Variants in SEC23A observed in about 807,000 individuals in gnomAD.
The protein encoded by SEC23A is SEC23 homolog A, COPII component.
Under a neutral mutation model 103.7 loss-of-function variants are expected in SEC23A, and 56 were observed. The ratio of observed to expected loss-of-function variants is 0.54; its 90% CI spans 0.44 to 0.67. The LOEUF is 0.67. SEC23A is among the 30% of genes least tolerant of loss of function. The pLI is 0.00. For synonymous variants in SEC23A, 281 were observed against 293.0 expected (o/e 0.96, Z 0.42); for missense variants, 784 against 936.4 (o/e 0.84, Z 2.12).
chr14:39,090,571 C>A (rs1887624875), intron 5 of SEC23A, among the ~76,000 whole-genome samples: 2 of 152,268 alleles, frequency 1.3e-5, no homozygotes, highest in South Asian at 4.1e-4. Context: ...AAAATAACTT[C>A]CCTCACCAAA....
At chr14:39,059,694 G>T (rs1886401073) in intron 13 of SEC23A, among the ~76,000 whole-genome samples, 1 of 152,002 alleles carries the variant, frequency 6.6e-6, no homozygotes, top group Non-Finnish European at 1.5e-5. Flanking sequence ...GATTAAGTTG[G>T]AGATATTATG....
chr14:39,042,233 T>C (rs1406833893), intron 17 of SEC23A, among the ~76,000 whole-genome samples: 3 of 152,252 alleles, frequency 2.0e-5, no homozygotes, highest in African/African-American at 4.8e-5. Flanking sequence ...AGGAAGCACT[T>C]AACAATTGGC....
chr14:39,042,757 C>A (rs1333949560), intron 17 of SEC23A, 29 bp downstream of exon 17: 1 of 1,381,386 alleles, frequency 7.2e-7, no homozygotes, highest in Non-Finnish European at 1.0e-6. Flanking sequence ...ACTTTACATG[C>A]ATAGCTTTAA....
chr14:39,085,685 T>TAC (rs202142857), intron 7 of SEC23A, 77 bp downstream of exon 7: 21,636 of 947,900 alleles, frequency 0.023, 743 homozygotes, highest in Admixed American at 0.075. Flanking sequence ...CTTATAATTA[T>TAC]ATATACACAC....
chr14:39,043,709 A>C (rs148943341), intron 16 of SEC23A, among the ~76,000 whole-genome samples: 3 of 152,308 alleles, frequency 2.0e-5, no homozygotes, highest in East Asian at 3.9e-4. Context: ...ACTGAGAAAG[A>C]ACGGTGAGTG....
intron 9 of SEC23A, 92 bp downstream of exon 9, chr14:39,074,323 A>T: frequency 1.2e-6 from 1 of 836,232 alleles, no homozygotes; most frequent in Non-Finnish European, 2.1e-6. Context: ...TGGGAAGATG[A>T]CACTTTTCCC....
chr14:39,074,265 C>A, intron 9 of SEC23A, 150 bp downstream of exon 9: 1 of 641,816 alleles, frequency 1.6e-6, no homozygotes, highest in Non-Finnish European at 2.8e-6. Context: ...GTGTGTTTTA[C>A]TGAAAGGAAT....
chr14:39,076,085 A>G lies in SEC23A; in HGVS notation c.837T>C (p.Phe279=), dbSNP rs146187520. The part of the protein sequence containing the change: ...SIAVGLLECT[F]PNTGARIMMF... ...TCATGATACGAGCACCAGTGTTGGG[A>G]AAAGTACACTATTAAAAAAAAAGTC... is the stretch of plus-strand genomic sequence containing the variant. Residue 279 remains phenylalanine (F), a synonymous_variant, in exon 8 of 20, where the codon TTT becomes TTC. Transcript: ENST00000307712. The G allele has an allele frequency of 7.0e-5, 112 of 1,611,210 alleles. No individual in the cohort carries two copies. The African/African-American group carries it at 1.4e-3, about 20-fold the overall frequency.
intron 7 of SEC23A, among the ~76,000 whole-genome samples, chr14:39,078,431 C>T (rs1887114045): frequency 6.6e-6 from 1 of 152,090 alleles, no homozygotes; most frequent in Non-Finnish European, 1.5e-5. Context: ...GCCCAAAAAG[C>T]TCCATATTTG....
At chr14:39,046,294 C>T (rs530345000) in intron 15 of SEC23A, among the ~76,000 whole-genome samples, 1 of 152,188 alleles carries the variant, frequency 6.6e-6, no homozygotes, top group Admixed American at 6.5e-5. Flanking sequence ...CATGGTGAAA[C>T]CCCGTCTCTA....
intron 7 of SEC23A, 105 bp downstream of exon 7, chr14:39,085,657 A>C: frequency 1.4e-6 from 2 of 1,408,942 alleles, no homozygotes; most frequent in South Asian, 1.2e-5. Context: ...GAAAAAAAGC[A>C]CTTTGGTTCT....
chr14:39,043,973 A>G (rs1260886824), intron 16 of SEC23A, among the ~76,000 whole-genome samples: 1 of 152,150 alleles, frequency 6.6e-6, no homozygotes, highest in Non-Finnish European at 1.5e-5. Flanking sequence ...TCTCACCAGG[A>G]GCAGAGAAAT....
intron 15 of SEC23A, among the ~76,000 whole-genome samples, chr14:39,045,799 C>A (rs1885811471): frequency 6.6e-6 from 1 of 152,202 alleles, no homozygotes; most frequent in African/African-American, 2.4e-5. Context: ...CTGACCATAT[C>A]TTTGGGCTTT....
intron 13 of SEC23A, among the ~76,000 whole-genome samples, chr14:39,057,761 T>G (rs999257692): frequency 2.6e-5 from 4 of 152,354 alleles, no homozygotes; most frequent in Non-Finnish European, 5.9e-5. Context: ...AAATTTCATT[T>G]ATTTAATTTT....
chr14:39,094,714 G>C (rs898187335), intron 2 of SEC23A, among the ~76,000 whole-genome samples: 6 of 152,024 alleles, frequency 3.9e-5, no homozygotes, highest in African/African-American at 1.4e-4. Flanking sequence ...CGAAAATATG[G>C]AGACAGAAGA....
At chr14:39,091,991 T>C (rs1159543971) in intron 4 of SEC23A, among the ~76,000 whole-genome samples, 1 of 152,224 alleles carries the variant, frequency 6.6e-6, no homozygotes, top group East Asian at 1.9e-4. Flanking sequence ...TCTTTTAAAA[T>C]AATTAGTAAA....
intron 1 of SEC23A, among the ~76,000 whole-genome samples, chr14:39,097,368 G>A (rs1472570445): frequency 3.3e-5 from 5 of 152,174 alleles, no homozygotes; most frequent in African/African-American, 1.2e-4. Flanking sequence ...CAGGAAGGAC[G>A]TCAAGTTGAA....
intron 17 of SEC23A, 55 bp downstream of exon 17, chr14:39,042,731 C>T: frequency 8.9e-7 from 1 of 1,119,098 alleles, no homozygotes; most frequent in Non-Finnish European, 1.4e-6. Flanking sequence ...GTAAGAAAAC[C>T]TTTCTAAGTA....
rs747094141 is a variant in SEC23A, at chr14:39,047,448, T to G, written c.1737+1204A>C. On this transcript the variant is annotated intron_variant, in intron 15 of 19. Coordinates refer to ENST00000307712, the MANE Select transcript of SEC23A (RefSeq NM_006364.4). ...TAGGGAAGTCTCTCCTCTGTAAGCA[T>G]GGAGTTTCTGGGTTATAGATCAATC... 62 of 1,272,416 alleles carry G rather than the reference T, an allele frequency of 4.9e-5. 2 individuals are homozygous for G. In the South Asian group the frequency reaches 7.4e-4, roughly 15 times the overall value. The allele number at this position is 1,272,416 out of a possible 1,614,324, so 78.8% of individuals were successfully genotyped here. A position where few individuals can be genotyped will look rare whatever the true frequency, so the allele number is the denominator to read the frequency against.
Sources: gnomAD v4.1 joint callset for allele counts (sites outside exome capture counted in the v4.1 genomes callset) on GRCh38, gnomAD v4.1.1 for gene constraint, MANE v1.5 for transcripts, NCBI Gene and HGNC (gene_info 2026-07-23, HGNC 2026-07-21) for gene names.